ATP10B: variants seen among roughly 807,000 people sequenced by gnomAD.
ATP10B encodes ATPase phospholipid transporting 10B (putative).
In ATP10B, 122 loss-of-function variants were observed where a neutral mutation model predicts 141.2. That is an observed-to-expected ratio of 0.86 (90% CI 0.75 to 1.00). The LOEUF (loss-of-function observed/expected upper bound fraction) is 1.00. ATP10B is among the 50% of genes least tolerant of loss of function. The probability of loss-of-function intolerance (pLI) is 0.00; values close to 1 mark genes in which losing one functional copy is unlikely to be tolerated. For missense variants in ATP10B, 1,876 were observed against 1,825.3 expected (o/e 1.03, Z -0.51); for synonymous variants, 685 against 692.0 (o/e 0.99, Z 0.16).
chr5:160,912,049 G>A, the ATP10B span, among the ~76,000 whole-genome samples: 2 of 151,306 alleles, frequency 1.3e-5, no homozygotes, highest in African/African-American at 4.9e-5. Context: ...TTGCACTCCA[G>A]TAGAGAGAGA....
intron 1 of ATP10B, among the ~76,000 whole-genome samples, chr5:160,813,336 ATCC>A (rs1363098509): frequency 6.6e-6 from 1 of 152,188 alleles, no homozygotes; most frequent in Non-Finnish European, 1.5e-5. Context: ...AGGAGATTAT[ATCC>A]CGCGCATGGC....
intron 7 of ATP10B, among the ~76,000 whole-genome samples, chr5:160,653,622 TTATATATACATATATACATATATATTA>T (rs1561705344): frequency 4.1e-4 from 4 of 9,646 alleles, no homozygotes; most frequent in Non-Finnish European, 1.2e-3. Context: ...TACATATATA[TTATATATACATATATACATATATATTA>T]TATATACATA....
chr5:160,790,618 A>G (rs1464907909), intron 1 of ATP10B, among the ~76,000 whole-genome samples: 4 of 152,136 alleles, frequency 2.6e-5, no homozygotes, highest in African/African-American at 9.7e-5. Context: ...AGGAGAAATT[A>G]CCCTTTGTGT....
chr5:160,769,172 C>A (rs1769695908), intron 2 of ATP10B, among the ~76,000 whole-genome samples: 2 of 152,034 alleles, frequency 1.3e-5, no homozygotes, highest in African/African-American at 4.8e-5. Context: ...TTTTTTAAAT[C>A]CTTGGCAAAT....
intron 1 of ATP10B, among the ~76,000 whole-genome samples, chr5:160,821,971 A>AC (rs1173610218): frequency 3.9e-5 from 6 of 152,150 alleles, no homozygotes; most frequent in Non-Finnish European, 7.4e-5. Flanking sequence ...CTTGAATAAT[A>AC]CCCCACAAGG....
At chr5:160,720,588 A>G (rs1765931070) in intron 2 of ATP10B, among the ~76,000 whole-genome samples, 1 of 152,260 alleles carries the variant, frequency 6.6e-6, no homozygotes, top group Admixed American at 6.5e-5. Flanking sequence ...GTTGTGTGAT[A>G]TAAAATATTC....
At position 160,706,982 on chromosome 5, in the gene ATP10B, G is replaced by T. The variant is rs769232575; in HGVS notation, c.-205+9927C>A. The stretch of plus-strand genomic sequence containing the variant: ...ATTTATTTATTTATGACAGAGTCTC[G>T]CTTTGTCGCCCAGGCTGGAGTGCAG... On this transcript the variant is annotated intron_variant, in intron 3 of 25. Coordinates refer to ENST00000327245, the MANE Select transcript of ATP10B (RefSeq NM_025153.3). Among the ~76,000 whole-genome samples the T allele has an allele frequency of 7.1e-4, 107 of 150,606 alleles. 1 individual carries two copies. Among genetic ancestry groups the T allele is most frequent in the Non-Finnish European group, 1.2e-3 (84 of 67,950 alleles).
chr5:160,693,446 A>ACACACC lies in ATP10B; in HGVS notation c.-204-4504_-204-4503insGGTGTG, dbSNP rs1554105030. Among the ~76,000 whole-genome samples the ACACACC allele has an allele frequency of 8.8e-5, 13 of 147,478 alleles. No homozygotes were observed. The South Asian group carries it at 2.8e-3, about 31-fold the overall frequency. On this transcript the variant is annotated intron_variant, in intron 3 of 25. Transcript: ENST00000327245. ...CACACACACACACACACACACACAC[A>ACACACC]CACACACACAGTGGTATAGTCAGGG...
At chr5:160,800,623 T>C (rs1020612444) in intron 1 of ATP10B, among the ~76,000 whole-genome samples, 3 of 152,242 alleles carry the variant, frequency 2.0e-5, no homozygotes, top group African/African-American at 7.2e-5. Context: ...TTATAGGCAG[T>C]ATATTCTTGC....
intron 1 of ATP10B, among the ~76,000 whole-genome samples, chr5:160,795,536 A>T (rs1771879902): frequency 6.6e-6 from 1 of 151,764 alleles, no homozygotes; most frequent in African/African-American, 2.4e-5. Context: ...GCCCCTAAAG[A>T]GATATGTCCA....
At chr5:160,804,920 AG>A (rs1342504291) in intron 1 of ATP10B, among the ~76,000 whole-genome samples, 4 of 152,226 alleles carry the variant, frequency 2.6e-5, no homozygotes, top group Admixed American at 2.0e-4. Flanking sequence ...TTCATACCAA[AG>A]TCCTGCTGTC....
chr5:160,590,584 T>A (rs560324387), intron 23 of ATP10B, among the ~76,000 whole-genome samples: 1 of 152,342 alleles, frequency 6.6e-6, no homozygotes, highest in South Asian at 2.1e-4. Context: ...TAATGTAGTA[T>A]CTCATTATCG....
chr5:160,805,987 C>T (rs767844653), intron 1 of ATP10B, among the ~76,000 whole-genome samples: 6 of 152,166 alleles, frequency 3.9e-5, no homozygotes, highest in Non-Finnish European at 8.8e-5. Flanking sequence ...AATGTACATC[C>T]TAGTCCAAGG....
At chr5:160,633,942 C>T in intron 12 of ATP10B, 1 of 344,134 alleles carries the variant, frequency 2.9e-6, no homozygotes, top group South Asian at 2.4e-5. Context: ...TGTATTAAAT[C>T]TGACCATGCA....
Position 160,695,285 on chromosome 5 carries a change from T to C in ATP10B, c.-204-6342A>G, listed in dbSNP as rs566084607. On this transcript the variant is annotated intron_variant, in intron 3 of 25. Transcript: ENST00000327245. ...GTGAAAATGACTCCACTCTAATTTT[T>C]AGTCTAGTCTGTTGGGGCCTAGCTT... 8.5e-5 allele frequency among the ~76,000 whole-genome samples: 13 copies of C among 152,338 alleles called. No homozygotes were observed. The South Asian group carries it at 2.3e-3, about 27-fold the overall frequency.
intron 8 of ATP10B, among the ~76,000 whole-genome samples, chr5:160,648,925 G>GGT (rs1760492579): frequency 2.4e-5 from 2 of 82,836 alleles, no homozygotes; most frequent in African/African-American, 4.2e-5. Context: ...ATTTTACTAA[G>GGT]GTTTTTTTTT....
chr5:160,607,241 T>G (rs1162482244), intron 18 of ATP10B, among the ~76,000 whole-genome samples, 155 bp from the exon 19 acceptor site: 1 of 152,216 alleles, frequency 6.6e-6, no homozygotes, highest in Non-Finnish European at 1.5e-5. Flanking sequence ...TCTGCAATAT[T>G]TGACATAATA....
At position 160,649,201 on chromosome 5, in the gene ATP10B, T is replaced by C. The variant is rs756225656; in HGVS notation, c.731A>G (p.Asn244Ser). The part of the protein sequence containing the change: ...FHNTIVCEKP[N>S]NHLNKFKGYM... The stretch of plus-strand genomic sequence containing the variant: ...ACCCTTAAATTTGTTGAGGTGGTTG[T>C]TGGGTTTCTCACACACGATGGTATT... The change falls in exon 8 of 26, where the codon AAC (asparagine) becomes AGC (serine). Residue 244 changes from asparagine (N) to serine (S), a missense_variant. Coordinates refer to ENST00000327245, the MANE Select transcript of ATP10B (RefSeq NM_025153.3). The C allele has an allele frequency of 1.2e-5, 19 of 1,613,962 alleles. No homozygotes were observed. Among genetic ancestry groups the C allele is most frequent in the Non-Finnish European group, 1.5e-5 (18 of 1,179,884 alleles).
intron 7 of ATP10B, among the ~76,000 whole-genome samples, chr5:160,658,954 G>C (rs752038113): frequency 6.6e-6 from 1 of 151,878 alleles, no homozygotes; most frequent in East Asian, 1.9e-4. Context: ...TAACTAATCC[G>C]TATACCATAT....
Sources: allele counts gnomAD v4.1 joint callset (sites outside exome capture counted in the v4.1 genomes callset), GRCh38; gene constraint gnomAD v4.1.1; transcripts MANE v1.5; gene names NCBI Gene and HGNC (gene_info 2026-07-23, HGNC 2026-07-21).